FRK: variants seen among roughly 807,000 people sequenced by gnomAD.
The protein encoded by FRK is fyn related Src family tyrosine kinase, also known as tyrosine-protein kinase FRK.
Under a neutral mutation model 56.4 loss-of-function variants are expected in FRK, and 51 were observed. The ratio of observed to expected loss-of-function variants is 0.90; its 90% CI spans 0.72 to 1.14. The LOEUF (loss-of-function observed/expected upper bound fraction) is 1.14, where lower values mean the gene tolerates loss of function less well. Among genes scored for constraint, FRK ranks in the 50% most tolerant of loss-of-function variants. The probability of loss-of-function intolerance (pLI) is 0.00; values close to 1 mark genes in which losing one functional copy is unlikely to be tolerated. For synonymous variants in FRK, 245 were observed against 217.9 expected, an observed-to-expected ratio of 1.12 and a Z score of -1.10; for missense variants, 570 against 601.4, an observed-to-expected ratio of 0.95 and a Z score of 0.55.
the FRK span, among the ~76,000 whole-genome samples, chr6:116,079,500 C>A: frequency 1.3e-5 from 2 of 151,752 alleles, no homozygotes; most frequent in South Asian, 4.2e-4. Flanking sequence ...TCTTCACTAT[C>A]TTAGTTGTGT....
At chr6:116,087,931 A>G in the FRK span, among the ~76,000 whole-genome samples, 588 of 152,328 alleles carry the variant, frequency 3.9e-3, 5 homozygotes, top group Non-Finnish European at 5.8e-3. Context: ...TTTGTGCCCA[A>G]GGGCCTTCTC....
At chr6:116,056,200 G>GTTT (rs540554217) in intron 1 of FRK, among the ~76,000 whole-genome samples, 1 of 132,742 alleles carries the variant, frequency 7.5e-6, no homozygotes. Context: ...TGTTCATTTG[G>GTTT]TTTTTTTTTT....
upstream of FRK, among the ~76,000 whole-genome samples, chr6:116,061,005 G>A (rs963356019): frequency 2.2e-4 from 33 of 152,188 alleles, no homozygotes; most frequent in Non-Finnish European, 4.3e-4. Context: ...TTACCAAACT[G>A]TTAAAGCAGC....
chr6:115,975,283 G>T (rs144196473), intron 2 of FRK, among the ~76,000 whole-genome samples: 1,968 of 151,550 alleles, frequency 0.013, 138 homozygotes, highest in Admixed American at 0.12. Flanking sequence ...ATTTATATAT[G>T]GTTCCTTCAA....
At position 115,931,425 on chromosome 6, in the gene FRK, A is replaced by C. The variant is rs1179769129; in HGVS notation, c.*10989T>G. 6.6e-6 allele frequency: 1 copy of C among 152,190 alleles called. No individual in the cohort carries two copies. The highest frequency in any genetic ancestry group is 1.5e-5 in the Non-Finnish European group (1 of 68,026). The allele number at this position is 152,190 out of a possible 1,614,324, so 9.4% of individuals were successfully genotyped here. A position where few individuals can be genotyped will look rare whatever the true frequency, so the allele number is the denominator to read the frequency against. The stretch of plus-strand genomic sequence containing the variant: ...AGCATTATAACAAGTGGTACAATTA[A>C]AAGAGGTCTTCTTTAATCCCTGTTG... On this transcript the variant is annotated 3_prime_UTR_variant, in exon 8 of 8. Transcript: ENST00000606080.
At chr6:116,059,810 G>T (rs76043006) in intron 1 of FRK, among the ~76,000 whole-genome samples, 158 bp downstream of exon 1, 3 of 152,150 alleles carry the variant, frequency 2.0e-5, no homozygotes, top group Non-Finnish European at 4.4e-5. Flanking sequence ...CTCACTTAGC[G>T]GGGGAGGTGT....
At chr6:116,079,058 C>A in the FRK span, among the ~76,000 whole-genome samples, 8 of 151,928 alleles carry the variant, frequency 5.3e-5, no homozygotes, top group African/African-American at 1.9e-4. Flanking sequence ...CGGTTTGGGG[C>A]CATTTTGAAC....
intron 1 of FRK, among the ~76,000 whole-genome samples, chr6:116,055,940 CATAACTTAA>C (rs1777379539): frequency 6.6e-6 from 1 of 152,124 alleles, no homozygotes; most frequent in Admixed American, 6.5e-5. Context: ...TTGTTGTTAT[CATAACTTAA>C]ACTTAACATG....
chr6:116,071,091 G>T, the FRK span, among the ~76,000 whole-genome samples: 2 of 152,058 alleles, frequency 1.3e-5, no homozygotes, highest in Non-Finnish European at 2.9e-5. Flanking sequence ...GCTCATTTTG[G>T]AAAAGTAACT....
At chr6:116,032,987 G>A (rs1286737053) in intron 1 of FRK, among the ~76,000 whole-genome samples, 1 of 152,096 alleles carries the variant, frequency 6.6e-6, no homozygotes, top group African/African-American at 2.4e-5. Context: ...GCCTAGGACT[G>A]AAATCTAGAA....
chr6:115,993,704 T>C (rs1216352563), intron 2 of FRK, among the ~76,000 whole-genome samples: 1 of 152,064 alleles, frequency 6.6e-6, no homozygotes, highest in Non-Finnish European at 1.5e-5. Context: ...AGCTTTCTTA[T>C]GCTACATATT....
chr6:116,055,906 T>A (rs934182884), intron 1 of FRK, among the ~76,000 whole-genome samples: 1 of 152,160 alleles, frequency 6.6e-6, no homozygotes, highest in African/African-American at 2.4e-5. Context: ...GTGTATGGAG[T>A]CAGAAGTTCA....
chr6:115,934,469 C>T lies in FRK; in HGVS notation c.*7945G>A, dbSNP rs1473595821. 2.0e-5 allele frequency: 3 copies of T among 152,146 alleles called. No individual in the cohort carries two copies. Among genetic ancestry groups the T allele is most frequent in the South Asian group, 4.1e-4 (2 of 4,826 alleles). The allele number at this position is 152,146 out of a possible 1,614,324, so 9.4% of individuals were successfully genotyped here. ...ATGAGGAGAAGAGAACGCGGAACCC[C>T]AGTTTTGCCATTGATAGCCATCTGT... On this transcript the variant is annotated 3_prime_UTR_variant, in exon 8 of 8. Coordinates refer to ENST00000606080, the MANE Select transcript of FRK (RefSeq NM_002031.3).
chr6:115,943,153 G>T lies in FRK; in HGVS notation c.1173C>A (p.His391Gln), dbSNP rs143648469. ...VDNEDIYESR[H>Q]EIKLPVKWTA... Reference sequence around the variant, plus strand: ...TCCACTTCACCGGCAGCTTTATTTCGTGTCTAGATTCATAGATGTCTTCAT... The same window carrying T: ...TCCACTTCACCGGCAGCTTTATTTCTTGTCTAGATTCATAGATGTCTTCAT... Residue 391 changes from histidine to glutamine, a missense_variant, in exon 7 of 8, where the codon CAC becomes CAA. Transcript: ENST00000606080. 1 of 1,611,938 alleles carries T rather than the reference G, an allele frequency of 6.2e-7. No individual in the cohort carries two copies. Among genetic ancestry groups the T allele is most frequent in the East Asian group, 2.2e-5 (1 of 44,792 alleles).
In FRK at chr6:116,004,034, T is replaced by C. The variant is rs774047136; in HGVS notation, c.345-36A>G. 7 of 1,582,198 alleles carry C rather than the reference T, an allele frequency of 4.4e-6. No individual in the cohort carries two copies. In the South Asian group the frequency reaches 8.0e-5, roughly 18 times the overall value. On this transcript the variant is annotated intron_variant, in intron 1 of 7. Transcript: ENST00000606080. ...AGATATGTAAATGTTAAGTAACCAA[T>C]TAACATTCATTTTTTAAGGAGGAAA... is the stretch of plus-strand genomic sequence containing the variant.
intron 1 of FRK, among the ~76,000 whole-genome samples, chr6:116,024,172 C>T (rs1346066579): frequency 6.6e-6 from 1 of 151,756 alleles, no homozygotes; most frequent in East Asian, 1.9e-4. Flanking sequence ...ATGGAAATGA[C>T]GTGAGTTACT....
chr6:115,986,181 G>C (rs1774387319), intron 2 of FRK, among the ~76,000 whole-genome samples: 1 of 151,924 alleles, frequency 6.6e-6, no homozygotes, highest in Admixed American at 6.6e-5. Context: ...ACTTGCTTTG[G>C]TGAATTGAGT....
chr6:116,094,009 G>A, the FRK span, among the ~76,000 whole-genome samples: 14 of 152,166 alleles, frequency 9.2e-5, no homozygotes, highest in Non-Finnish European at 1.5e-4. Context: ...TAAGAGAAAG[G>A]CCGCAGCCTT....
chr6:116,047,437 G>A (rs1211920087), intron 1 of FRK, among the ~76,000 whole-genome samples: 2 of 144,500 alleles, frequency 1.4e-5, no homozygotes, highest in Non-Finnish European at 3.0e-5. Flanking sequence ...TTGCTCTGTT[G>A]CCCAGGCTGG....
Sources: gnomAD v4.1 joint callset for allele counts (sites outside exome capture counted in the v4.1 genomes callset) on GRCh38, gnomAD v4.1.1 for gene constraint, MANE v1.5 for transcripts, NCBI Gene and HGNC (gene_info 2026-07-23, HGNC 2026-07-21) for gene names.